CREB5: variants seen among roughly 807,000 people sequenced by gnomAD.
CREB5 encodes cAMP responsive element binding protein 5, also known as cyclic AMP-responsive element-binding protein 5.
CREB5 carries 19 observed loss-of-function variants against 57.1 expected under a neutral mutation model. The ratio of observed to expected loss-of-function variants is 0.33; its 90% CI spans 0.23 to 0.49. The LOEUF (loss-of-function observed/expected upper bound fraction) is 0.49. Among genes scored for constraint, CREB5 ranks in the 20% least tolerant of loss-of-function variants. The probability of loss-of-function intolerance (pLI) is 0.99; values close to 1 mark genes in which losing one functional copy is unlikely to be tolerated. For missense variants in CREB5, 579 were observed against 671.6 expected, an observed-to-expected ratio of 0.86 and a Z score of 1.52; for synonymous variants, 238 against 238.3, an observed-to-expected ratio of 1.00 and a Z score of 0.01.
chr7:28,465,361 A>C (rs1790520325), intron 1 of CREB5, among the ~76,000 whole-genome samples: 1 of 152,232 alleles, frequency 6.6e-6, no homozygotes, highest in Admixed American at 6.5e-5. Flanking sequence ...CTCCAGGGCA[A>C]GGGGACAGCC....
chr7:28,417,669 C>G (rs1374959815), intron 1 of CREB5, among the ~76,000 whole-genome samples: 1 of 152,138 alleles, frequency 6.6e-6, no homozygotes, highest in Admixed American at 6.5e-5. Context: ...GGTTGAGAAC[C>G]ACGGTTCTAA....
intron 5 of CREB5, among the ~76,000 whole-genome samples, chr7:28,613,462 T>C (rs1797476333): frequency 6.6e-6 from 1 of 152,218 alleles, no homozygotes; most frequent in South Asian, 2.1e-4. Flanking sequence ...TTATGACTCA[T>C]AGGTGTCAAA....
chr7:28,320,382 C>T (rs1162358025), intron 1 of CREB5, among the ~76,000 whole-genome samples: 1 of 152,064 alleles, frequency 6.6e-6, no homozygotes, highest in Non-Finnish European at 1.5e-5. Flanking sequence ...GAGGATCCCA[C>T]CCAGGAAAGC....
Position 28,522,395 on chromosome 7 carries a change from T to G in CREB5, c.291+14658T>G, listed in dbSNP as rs867470698. Among the ~76,000 whole-genome samples, 1,340 of 147,606 alleles carry G rather than the reference T, an allele frequency of 9.1e-3. 22 individuals are homozygous for G. The highest frequency in any genetic ancestry group is 0.029 in the African/African-American group (1,147 of 39,828). On this transcript the variant is annotated intron_variant, in intron 4 of 10. Coordinates refer to ENST00000357727, the MANE Select transcript of CREB5 (RefSeq NM_182898.4). ...CTGACTATATCCTGCTCTTTGTTTT[T>G]TTTTTTTTTTTTTTTTCTGAGGTGG... is the stretch of plus-strand genomic sequence containing the variant.
intron 4 of CREB5, among the ~76,000 whole-genome samples, chr7:28,543,772 A>G (rs1160999927): frequency 2.0e-5 from 3 of 151,940 alleles, no homozygotes; most frequent in East Asian, 1.9e-4. Context: ...TGCAAATGTT[A>G]TCACAGTGCC....
chr7:28,418,652 A>G (rs776123604), intron 1 of CREB5, among the ~76,000 whole-genome samples: 10 of 152,202 alleles, frequency 6.6e-5, no homozygotes, highest in Non-Finnish European at 1.5e-4. Flanking sequence ...TTGTGGTGAT[A>G]TTTGTGTTTT....
chr7:28,512,563 A>G (rs145757650), intron 4 of CREB5, among the ~76,000 whole-genome samples: 13 of 148,940 alleles, frequency 8.7e-5, no homozygotes, highest in African/African-American at 3.2e-4. Context: ...AGGTGTGTGA[A>G]TTTTCCTTTT....
intron 1 of CREB5, among the ~76,000 whole-genome samples, chr7:28,338,782 T>A (rs535274110): frequency 2.0e-5 from 3 of 152,266 alleles, no homozygotes; most frequent in African/African-American, 7.2e-5. Context: ...ATTTTCTCGA[T>A]CTGGTAGACA....
intron 4 of CREB5, among the ~76,000 whole-genome samples, chr7:28,521,093 G>A (rs1282468424): frequency 1.3e-5 from 2 of 152,168 alleles, no homozygotes; most frequent in Non-Finnish European, 2.9e-5. Context: ...AAAGAAAAGG[G>A]GGAGGCAAAA....
At chr7:28,729,523 A>G (rs1192414927) in intron 7 of CREB5, among the ~76,000 whole-genome samples, 1 of 152,154 alleles carries the variant, frequency 6.6e-6, no homozygotes, top group Non-Finnish European at 1.5e-5. Context: ...CTGTTTGCCT[A>G]CGGTGCCCCT....
chr7:28,465,514 G>A (rs868345334), intron 1 of CREB5, among the ~76,000 whole-genome samples: 1 of 152,186 alleles, frequency 6.6e-6, no homozygotes, highest in African/African-American at 2.4e-5. Context: ...CACAGTACTA[G>A]AAAATGGGTT....
At chr7:28,648,101 G>A (rs1373790100) in intron 5 of CREB5, among the ~76,000 whole-genome samples, 1 of 152,154 alleles carries the variant, frequency 6.6e-6, no homozygotes, top group East Asian at 1.9e-4. Context: ...TAGCAAGTTT[G>A]AAGTTATTTT....
In CREB5 at chr7:28,354,280, G is replaced by C. The variant is rs959341444; in HGVS notation, c.-25+54839G>C. Among the ~76,000 whole-genome samples the C allele has an allele frequency of 5.1e-4, 78 of 152,144 alleles. 1 individual carries two copies. The highest frequency in any genetic ancestry group is 4.2e-4 in the South Asian group (2 of 4,814). ...AACATTGAGTCAGTGGGCTGGGAAA[G>C]GCAGACCCACCCTTAATCTGGGTGG... On this transcript the variant is annotated intron_variant, in intron 1 of 9. Transcript: ENST00000396299.
chr7:28,794,715 T>C (rs1483071163), intron 7 of CREB5, among the ~76,000 whole-genome samples: 1 of 151,824 alleles, frequency 6.6e-6, no homozygotes, highest in Non-Finnish European at 1.5e-5. Context: ...CACCCAGCCT[T>C]CATTCCCTAC....
At chr7:28,362,916 G>C (rs1786517229) in intron 1 of CREB5, among the ~76,000 whole-genome samples, 2 of 152,174 alleles carry the variant, frequency 1.3e-5, no homozygotes, top group African/African-American at 4.8e-5. Flanking sequence ...TTGTTTTTAT[G>C]ACTAAATGAG....
Position 28,744,217 on chromosome 7 carries a change from A to C in CREB5, c.702+19885A>C. 1.3e-5 allele frequency among the ~76,000 whole-genome samples: 2 copies of C among 150,370 alleles called. 1 individual carries two copies. The highest frequency in any genetic ancestry group is 3.0e-5 in the Non-Finnish European group (2 of 67,770). ...ATGGCTGCATAGTATTCCATGGTGTATATGTGCCACATTTTCTTAATCCAG... is the reference window on the plus strand; with the variant it reads ...ATGGCTGCATAGTATTCCATGGTGTCTATGTGCCACATTTTCTTAATCCAG... On this transcript the variant is annotated intron_variant, in intron 7 of 10. Coordinates refer to ENST00000357727, the MANE Select transcript of CREB5 (RefSeq NM_182898.4).
At chr7:28,437,223 A>G (rs1293707945) in intron 1 of CREB5, among the ~76,000 whole-genome samples, 2 of 152,180 alleles carry the variant, frequency 1.3e-5, no homozygotes, top group Admixed American at 6.5e-5. Context: ...TAGGCCAGGT[A>G]CTAAGTCAAA....
chr7:28,788,759 A>G (rs1161372517), intron 7 of CREB5, among the ~76,000 whole-genome samples: 3 of 152,030 alleles, frequency 2.0e-5, no homozygotes, highest in Non-Finnish European at 4.4e-5. Flanking sequence ...GGAAGGGTAG[A>G]AGGAATCTTT....
chr7:28,326,151 CATT>C (rs1562657787), intron 1 of CREB5, among the ~76,000 whole-genome samples: 3 of 147,024 alleles, frequency 2.0e-5, no homozygotes, highest in Non-Finnish European at 4.5e-5. Context: ...TACACACACA[CATT>C]ATCTATCTAT....
Sources: gnomAD v4.1 joint callset for allele counts (sites outside exome capture counted in the v4.1 genomes callset) on GRCh38, gnomAD v4.1.1 for gene constraint, MANE v1.5 for transcripts, NCBI Gene and HGNC (gene_info 2026-07-23, HGNC 2026-07-21) for gene names.